ZNF891: variants seen among roughly 807,000 people sequenced by gnomAD.
The protein encoded by ZNF891 is zinc finger protein 891.
For synonymous variants in ZNF891, 199 were observed against 209.0 expected (o/e 0.95, Z 0.41); for missense variants, 589 against 632.7 (o/e 0.93, Z 0.74).
chr12:133,122,127 C>G (rs1955769569), intron 1 of ZNF891, 103 bp from the exon 2 acceptor site: 1 of 1,340,128 alleles, frequency 7.5e-7, no homozygotes, highest in African/African-American at 1.5e-5. Flanking sequence ...CATTACCTCT[C>G]AGCAAGGTCT....
rs2047620569 is a variant in ZNF891 at position 133,121,200 on chromosome 12, A to G, written c.719T>C (p.Ile240Thr). The G allele has an allele frequency of 6.5e-7, 1 of 1,535,446 alleles. No individual in the cohort carries two copies. Among genetic ancestry groups the G allele is most frequent in the Admixed American group, 2.0e-5 (1 of 50,976 alleles). Reference protein sequence around the residue: ...SIINNYVKNSISEKLYESHEC... With the variant: ...SIINNYVKNSTSEKLYESHEC... Reference sequence around the variant, plus strand: ...ATGACTTTCATAGAGCTTCTCACTTATAGAGTTTTTCACATAATTGTTTAT... The same window carrying G: ...ATGACTTTCATAGAGCTTCTCACTTGTAGAGTTTTTCACATAATTGTTTAT... The change falls in exon 2 of 2, where the codon ATA (isoleucine) becomes ACA (threonine). Residue 240 changes from isoleucine to threonine, a missense_variant. By Grantham distance (89) the Ile-to-Thr change is moderately conservative. Coordinates refer to ENST00000537226, the MANE Select transcript of ZNF891 (RefSeq NM_001277291.2).
At chr12:133,126,993 G>A (rs1344387940) in intron 1 of ZNF891, among the ~76,000 whole-genome samples, 3 of 41,974 alleles carry the variant, frequency 7.1e-5, no homozygotes, top group African/African-American at 2.5e-4. Context: ...TTTTTTTTTT[G>A]AGACGGAGTC....
intron 1 of ZNF891, among the ~76,000 whole-genome samples, chr12:133,123,735 AAACAAC>A (rs796534378): frequency 1.8e-4 from 24 of 133,014 alleles, no homozygotes; most frequent in African/African-American, 4.8e-4. Context: ...AAACACACAC[AAACAAC>A]AACAACAACA....
At chr12:133,128,406 C>A (rs981723393) in intron 1 of ZNF891, among the ~76,000 whole-genome samples, 1 of 152,100 alleles carries the variant, frequency 6.6e-6, no homozygotes, top group South Asian at 2.1e-4. Context: ...CCAAGGCGGG[C>A]GGATTGCCTG....
chr12:133,105,809 T>C lies in ZNF891; in HGVS notation c.*14475A>G. On this transcript the variant is annotated 3_prime_UTR_variant, in exon 2 of 2. Coordinates refer to ENST00000537226, the MANE Select transcript of ZNF891 (RefSeq NM_001277291.2). ...TTTTGGTCGACGCTTTTCCCTGGTG[T>C]TACACCAGAGGACTCATACTGGAGA... 1 of 1,614,158 alleles carries C rather than the reference T, an allele frequency of 6.2e-7. No homozygotes were observed. The highest frequency in any genetic ancestry group is 1.7e-5 in the Admixed American group (1 of 60,026).
At chr12:133,122,074 G>A (rs1305935241) in intron 1 of ZNF891, 50 bp from the exon 2 acceptor site, 2 of 1,397,914 alleles carry the variant, frequency 1.4e-6, no homozygotes, top group African/African-American at 2.9e-5. Context: ...TGGAAACAGG[G>A]CCCCACTTGG....
chr12:133,109,096 C>T lies in ZNF891; in HGVS notation c.*11188G>A, dbSNP rs1290297439. On this transcript the variant is annotated 3_prime_UTR_variant, in exon 2 of 2. Transcript: ENST00000537226. The stretch of plus-strand genomic sequence containing the variant: ...CCCAGGGAAGCCAAAAGATTGGACA[C>T]CTCTGCTTTAGAGGGAGATGTAACT... 2 of 152,160 alleles carry T rather than the reference C, an allele frequency of 1.3e-5. No homozygotes were observed. The highest frequency in any genetic ancestry group is 2.9e-5 in the Non-Finnish European group (2 of 68,028). The allele number at this position is 152,160 out of a possible 1,614,324, so 9.4% of individuals were successfully genotyped here.
In ZNF891 at chr12:133,120,571, G is replaced by C; in HGVS notation, c.1348C>G (p.His450Asp). The change falls in exon 2 of 2, where the codon CAT becomes GAT. Residue 450 changes from histidine to aspartate, a missense_variant. Transcript: ENST00000537226. ...AFNTSSHLKV[H>D]KKIHTGENVY... ...TTCTCTCCGGTATGAATTTTCTTAT[G>C]AACTTTAAGGTGAGAGCTCGTGTTG... 3 of 1,559,254 alleles carry C rather than the reference G, an allele frequency of 1.9e-6. No homozygotes were observed. The highest frequency in any genetic ancestry group is 1.7e-6 in the Non-Finnish European group (2 of 1,153,120).
At position 133,105,046 on chromosome 12, in the gene ZNF891, G is replaced by A. The variant is rs1316988134; in HGVS notation, c.*15238C>T. Among the ~76,000 whole-genome samples, 1 of 152,118 alleles carries A rather than the reference G, an allele frequency of 6.6e-6. No homozygotes were observed. Among genetic ancestry groups the A allele is most frequent in the Non-Finnish European group, 1.5e-5 (1 of 68,036 alleles). On this transcript the variant is annotated 3_prime_UTR_variant, in exon 2 of 2. Transcript: ENST00000537226. The stretch of plus-strand genomic sequence containing the variant: ...GGTAGAGTTGGAGGATCATAGGCAA[G>A]TTTTCAGAGAAACCGCTTTTTTTTT...
chr12:133,105,924 C>T lies in ZNF891; in HGVS notation c.*14360G>A, dbSNP rs920078242. 7 of 1,614,006 alleles carry T rather than the reference C, an allele frequency of 4.3e-6. No individual in the cohort carries two copies. The Middle Eastern group carries it at 4.9e-4, about 114-fold the overall frequency. Reference sequence around the variant, plus strand: ...CAAATGATACATACTGGAAAGAAACCCCATGAGTGTAAGGACTGTAATAAA... The same window carrying T: ...CAAATGATACATACTGGAAAGAAACTCCATGAGTGTAAGGACTGTAATAAA... On this transcript the variant is annotated 3_prime_UTR_variant, in exon 2 of 2. Coordinates refer to ENST00000537226, the MANE Select transcript of ZNF891 (RefSeq NM_001277291.2).
Position 133,121,788 on chromosome 12 carries a change from G to C in ZNF891, c.131C>G (p.Thr44Ser). 1.3e-6 allele frequency: 2 copies of C among 1,536,856 alleles called. No individual in the cohort carries two copies. The highest frequency in any genetic ancestry group is 1.2e-5 in the South Asian group (1 of 84,062). ...FLTTWLQEPM[T>S]FKDVAVEFTQ... ...GAACTCCACAGCTACATCTTTGAAA[G>C]TCATTGGTTCCTGTAACCAGGTTGT... Residue 44 changes from threonine to serine, a missense_variant, in exon 2 of 2, where the codon ACT (threonine) becomes AGT (serine). Coordinates refer to ENST00000537226, the MANE Select transcript of ZNF891 (RefSeq NM_001277291.2).
intron 1 of ZNF891, among the ~76,000 whole-genome samples, chr12:133,129,255 G>A (rs535781214): frequency 2.6e-5 from 4 of 152,096 alleles, no homozygotes; most frequent in Non-Finnish European, 4.4e-5. Context: ...TAATCTCAGC[G>A]CTTTGGGAGG....
rs1955652353 is a variant in ZNF891, at chr12:133,108,191, T to C, written c.*12093A>G. The C allele has an allele frequency of 6.6e-6, 1 of 151,952 alleles. No homozygotes were observed. Among genetic ancestry groups the C allele is most frequent in the Admixed American group, 6.6e-5 (1 of 15,234 alleles). 9.4% of individuals were successfully genotyped at this position (151,952 alleles called of 1,614,324 possible). A position where few individuals can be genotyped will look rare whatever the true frequency, so the allele number is the denominator to read the frequency against. ...TGCCTTACTACGTATGGGTATCTAA[T>C]ATCTGATTTGATTTTCTCAAGCAGC... is the stretch of plus-strand genomic sequence containing the variant. On this transcript the variant is annotated 3_prime_UTR_variant, in exon 2 of 2. Transcript: ENST00000537226.
Position 133,109,461 on chromosome 12 carries a change from C to A in ZNF891, c.*10823G>T, listed in dbSNP as rs1210734732. The stretch of plus-strand genomic sequence containing the variant: ...AATAAATTGATAGCCCACAAACATA[C>A]TACTTGACATATGGTTGAAGCCAGT... On this transcript the variant is annotated 3_prime_UTR_variant, in exon 2 of 2. Coordinates refer to ENST00000537226, the MANE Select transcript of ZNF891 (RefSeq NM_001277291.2). 6.6e-6 allele frequency: 1 copy of A among 152,194 alleles called. No homozygotes were observed. The highest frequency in any genetic ancestry group is 2.1e-4 in the South Asian group (1 of 4,830). 9.4% of individuals were successfully genotyped at this position (152,194 alleles called of 1,614,324 possible). A position where few individuals can be genotyped will look rare whatever the true frequency, so the allele number is the denominator to read the frequency against.
intron 1 of ZNF891, among the ~76,000 whole-genome samples, chr12:133,124,303 A>C (rs1045318160): frequency 1.2e-4 from 19 of 152,200 alleles, no homozygotes; most frequent in African/African-American, 4.3e-4. Flanking sequence ...CACACCCCTC[A>C]CATTCACAAA....
rs1955703603 is a variant in ZNF891 at position 133,114,293 on chromosome 12, G to A, written c.*5991C>T. 1 of 152,016 alleles carries A rather than the reference G, an allele frequency of 6.6e-6. No individual in the cohort carries two copies. The highest frequency in any genetic ancestry group is 2.4e-5 in the African/African-American group (1 of 41,378). 9.4% of individuals were successfully genotyped at this position (152,016 alleles called of 1,614,324 possible). On this transcript the variant is annotated 3_prime_UTR_variant, in exon 2 of 2. Coordinates refer to ENST00000537226, the MANE Select transcript of ZNF891 (RefSeq NM_001277291.2). ...TTAGTTTCTGCACACCTGTTATGGT[G>A]CAACATTTTCCTATACCTAGAAGAA... is the stretch of plus-strand genomic sequence containing the variant.
At position 133,105,408 on chromosome 12, in the gene ZNF891, G is replaced by A; in HGVS notation, c.*14876C>T. ...CAGCTGTGAAAGCTGCTATTGATAA[G>A]ATTTTTTGAAACTTCATTCTGTTGC... On this transcript the variant is annotated 3_prime_UTR_variant, in exon 2 of 2. Transcript: ENST00000537226. 2 of 1,287,176 alleles carry A rather than the reference G, an allele frequency of 1.6e-6. No homozygotes were observed. Among genetic ancestry groups the A allele is most frequent in the Non-Finnish European group, 2.1e-6 (2 of 956,252 alleles). The allele number at this position is 1,287,176 out of a possible 1,614,324, so 79.7% of individuals were successfully genotyped here.
At position 133,111,129 on chromosome 12, in the gene ZNF891, A is replaced by C. The variant is rs371638398; in HGVS notation, c.*9155T>G. The C allele has an allele frequency of 1.6e-4, 24 of 152,346 alleles. No homozygotes were observed. In the East Asian group the frequency reaches 3.9e-3, roughly 24 times the overall value. 9.4% of individuals were successfully genotyped at this position (152,346 alleles called of 1,614,324 possible). On this transcript the variant is annotated 3_prime_UTR_variant, in exon 2 of 2. Coordinates refer to ENST00000537226, the MANE Select transcript of ZNF891 (RefSeq NM_001277291.2). ...TGAGTCCTTAGCAACTCATTCAAAA[A>C]GTCTGCCTTTAAAAGGCAGGACATA... is the stretch of plus-strand genomic sequence containing the variant.
In ZNF891 at chr12:133,106,833, T is replaced by G; in HGVS notation, c.*13451A>C. 1 of 477,926 alleles carries G rather than the reference T, an allele frequency of 2.1e-6. No homozygotes were observed. The highest frequency in any genetic ancestry group is 4.6e-5 in the South Asian group (1 of 21,968). 29.6% of individuals were successfully genotyped at this position (477,926 alleles called of 1,614,324 possible). On this transcript the variant is annotated 3_prime_UTR_variant, in exon 2 of 2. Coordinates refer to ENST00000537226, the MANE Select transcript of ZNF891 (RefSeq NM_001277291.2). Reference sequence around the variant, plus strand: ...ACCCAGGAATATGTGGAAAAGCCATTAATAACCACTCTTTTATTTTTTTGC... The same window carrying G: ...ACCCAGGAATATGTGGAAAAGCCATGAATAACCACTCTTTTATTTTTTTGC...
Sources: allele counts gnomAD v4.1 joint callset (sites outside exome capture counted in the v4.1 genomes callset), GRCh38; gene constraint gnomAD v4.1.1; transcripts MANE v1.5; gene names NCBI Gene and HGNC (gene_info 2026-07-23, HGNC 2026-07-21).